Variants in HTR1F observed in about 807,000 individuals in gnomAD.
HTR1F encodes the protein 5-hydroxytryptamine (serotonin) receptor 1F, G protein-coupled.
Under a neutral mutation model 24.0 loss-of-function variants are expected in HTR1F, and 17 were observed. The ratio of observed to expected loss-of-function variants is 0.71; its 90% confidence interval spans 0.48 to 1.06. The LOEUF is 1.06. Among genes scored for constraint, HTR1F ranks in the 50% least tolerant of loss-of-function variants. The pLI, the probability that HTR1F is intolerant of heterozygous loss-of-function variation, is 0.00. For missense variants in HTR1F, 391 were observed against 427.8 expected (o/e 0.91, Z 0.76); for synonymous variants, 186 against 156.8 (o/e 1.19, Z -1.39).
intron 2 of HTR1F, among the ~76,000 whole-genome samples, chr3:87,953,656 C>G (rs768473314): frequency 1.3e-5 from 2 of 151,680 alleles, no homozygotes; most frequent in Non-Finnish European, 3.0e-5. Flanking sequence ...AATGGAACTA[C>G]TATATAAGCT....
At chr3:87,934,049 TG>T (rs1283457680) in intron 2 of HTR1F, among the ~76,000 whole-genome samples, 2 of 152,220 alleles carry the variant, frequency 1.3e-5, no homozygotes, top group Non-Finnish European at 2.9e-5. Context: ...TCATAATATC[TG>T]GTTCGTCTTT....
At chr3:87,900,296 C>G (rs765797808) in intron 2 of HTR1F, among the ~76,000 whole-genome samples, 3 of 152,090 alleles carry the variant, frequency 2.0e-5, no homozygotes, top group Non-Finnish European at 4.4e-5. Context: ...TTGGAATGAA[C>G]TTTTAAGGCA....
intron 2 of HTR1F, among the ~76,000 whole-genome samples, chr3:87,939,774 T>TAACA (rs1406007826): frequency 2.0e-5 from 3 of 152,218 alleles, no homozygotes; most frequent in African/African-American, 7.2e-5. Context: ...ATTAGTCTGC[T>TAACA]AACAGTCTAT....
chr3:87,903,266 T>C (rs1223228669), intron 2 of HTR1F, among the ~76,000 whole-genome samples: 2 of 148,556 alleles, frequency 1.3e-5, no homozygotes, highest in Non-Finnish European at 1.5e-5. Flanking sequence ...AAAGCCAAAA[T>C]TGACAAATGG....
intron 2 of HTR1F, among the ~76,000 whole-genome samples, chr3:87,916,710 C>T (rs1375638173): frequency 1.3e-5 from 2 of 152,040 alleles, no homozygotes; most frequent in East Asian, 3.8e-4. Flanking sequence ...AACACTGGAG[C>T]TCCCAATTTT....
intron 2 of HTR1F, among the ~76,000 whole-genome samples, chr3:87,944,903 G>A (rs1459402011): frequency 6.6e-6 from 1 of 152,176 alleles, no homozygotes; most frequent in African/African-American, 2.4e-5. Flanking sequence ...CTATGCCGTT[G>A]TTTACATTGA....
intron 1 of HTR1F, among the ~76,000 whole-genome samples, chr3:87,819,909 T>C (rs1704322427): frequency 6.6e-6 from 1 of 152,054 alleles, no homozygotes; most frequent in Non-Finnish European, 1.5e-5. Flanking sequence ...AAATAGTAAA[T>C]GAGAACAATT....
At chr3:87,843,457 C>T (rs564002753) in intron 2 of HTR1F, among the ~76,000 whole-genome samples, 51 of 150,734 alleles carry the variant, frequency 3.4e-4, no homozygotes, top group African/African-American at 9.8e-4. Context: ...AATTTCTTGC[C>T]ATAGATACCA....
chr3:87,905,603 A>C (rs940120709), intron 2 of HTR1F, among the ~76,000 whole-genome samples: 2 of 152,140 alleles, frequency 1.3e-5, no homozygotes, highest in Non-Finnish European at 2.9e-5. Context: ...TCATTGAGAC[A>C]TACTTTTTGA....
At chr3:87,886,673 A>G (rs541983108) in intron 2 of HTR1F, among the ~76,000 whole-genome samples, 1 of 152,296 alleles carries the variant, frequency 6.6e-6, no homozygotes, top group Admixed American at 6.5e-5. Context: ...TGCAAAAATC[A>G]CAAGCATTCG....
At chr3:87,800,371 T>C (rs1197084820) in intron 1 of HTR1F, among the ~76,000 whole-genome samples, 1 of 152,174 alleles carries the variant, frequency 6.6e-6, no homozygotes, top group African/African-American at 2.4e-5. Context: ...TCCTTTCTTC[T>C]CTCAGCTCTG....
At chr3:87,819,335 A>G (rs1410799522) in intron 1 of HTR1F, among the ~76,000 whole-genome samples, 1 of 148,900 alleles carries the variant, frequency 6.7e-6, no homozygotes, top group Non-Finnish European at 1.5e-5. Flanking sequence ...TTGTTATACA[A>G]TAAGATTTTT....
intron 2 of HTR1F, among the ~76,000 whole-genome samples, chr3:87,841,549 C>T (rs957388669): frequency 3.3e-5 from 5 of 151,724 alleles, no homozygotes; most frequent in Non-Finnish European, 5.9e-5. Context: ...GAAAATGCAT[C>T]GTCTATATGT....
chr3:87,942,406 C>T (rs1257208057), intron 2 of HTR1F, among the ~76,000 whole-genome samples: 4 of 152,160 alleles, frequency 2.6e-5, no homozygotes, highest in Non-Finnish European at 5.9e-5. Context: ...CCTCCTGGCC[C>T]TCAATGGTCA....
chr3:87,879,208 A>G (rs1705733855), intron 2 of HTR1F, among the ~76,000 whole-genome samples: 1 of 152,220 alleles, frequency 6.6e-6, no homozygotes, highest in Non-Finnish European at 1.5e-5. Flanking sequence ...GTTGTATAGC[A>G]TTAGTAATTG....
chr3:87,931,447 A>G (rs9840236), intron 2 of HTR1F, among the ~76,000 whole-genome samples: 27,179 of 152,026 alleles, frequency 0.18, 2,638 homozygotes, highest in African/African-American at 0.27. Flanking sequence ...CCAGTCTATC[A>G]TTGTTGGACA....
At chr3:87,897,295 C>T (rs1428027683) in intron 2 of HTR1F, among the ~76,000 whole-genome samples, 3 of 149,888 alleles carry the variant, frequency 2.0e-5, no homozygotes, top group Admixed American at 1.3e-4. Flanking sequence ...TTTGCTACAA[C>T]ATGGATAGAC....
chr3:87,849,705 C>T (rs1705036834), intron 2 of HTR1F, among the ~76,000 whole-genome samples: 1 of 151,756 alleles, frequency 6.6e-6, no homozygotes, highest in Non-Finnish European at 1.5e-5. Context: ...TTGCAATCTA[C>T]TCATCTGACA....
At chr3:87,927,963 C>T (rs1704167328) in intron 2 of HTR1F, among the ~76,000 whole-genome samples, 1 of 151,662 alleles carries the variant, frequency 6.6e-6, no homozygotes, top group Non-Finnish European at 1.5e-5. Context: ...CCATTGGTGG[C>T]TTAATAAACT....
Sources: gnomAD v4.1 joint callset for allele counts (sites outside exome capture counted in the v4.1 genomes callset) on GRCh38, gnomAD v4.1.1 for gene constraint, MANE v1.5 for transcripts, NCBI Gene and HGNC (gene_info 2026-07-23, HGNC 2026-07-21) for gene names.